NCOA1: variants seen among roughly 807,000 people sequenced by gnomAD.
NCOA1 encodes the protein nuclear receptor coactivator 1.
NCOA1 carries 35 observed loss-of-function variants against 150.9 expected under a neutral mutation model. The observed-to-expected ratio is 0.23, with a 90% confidence interval of 0.18 to 0.31. NCOA1 has a LOEUF of 0.31. Among genes scored for constraint, NCOA1 ranks in the 10% least tolerant of loss-of-function variants. The pLI is 1.00. For synonymous variants in NCOA1, 590 were observed against 630.0 expected, an observed-to-expected ratio of 0.94 and a Z score of 0.95; for missense variants, 1,491 against 1,749.3, an observed-to-expected ratio of 0.85 and a Z score of 2.63.
At chr2:24,543,051 T>C (rs1185551082) in intron 1 of NCOA1, among the ~76,000 whole-genome samples, 3 of 152,216 alleles carry the variant, frequency 2.0e-5, no homozygotes, top group Non-Finnish European at 4.4e-5. Flanking sequence ...TTTGTATTGC[T>C]ATAACAGAAT....
At chr2:24,498,107 G>A (rs534923286) in intron 1 of NCOA1, among the ~76,000 whole-genome samples, 3 of 152,302 alleles carry the variant, frequency 2.0e-5, no homozygotes, top group East Asian at 3.9e-4. Flanking sequence ...GAAAACATCT[G>A]TATGTGTAAT....
rs1162910967 is a variant in NCOA1 at position 24,644,112 on chromosome 2, A to T, written c.-28A>T. ...TTTTGAGGATTCATTATGAACAAAG[A>T]AGTCTCCCAGGTAGGAATTGTAGTT... On this transcript the variant is annotated 5_prime_UTR_variant, in exon 4 of 23. Coordinates refer to ENST00000348332, the MANE Select transcript of NCOA1 (RefSeq NM_003743.5). The T allele has an allele frequency of 6.6e-6, 1 of 152,192 alleles. No homozygotes were observed. Among genetic ancestry groups the T allele is most frequent in the East Asian group, 1.9e-4 (1 of 5,200 alleles). The allele number at this position is 152,192 out of a possible 1,614,324, so 9.4% of individuals were successfully genotyped here. A position where few individuals can be genotyped will look rare whatever the true frequency, so the allele number is the denominator to read the frequency against.
At chr2:24,569,524 C>T (rs190859986) in intron 2 of NCOA1, among the ~76,000 whole-genome samples, 114 of 148,016 alleles carry the variant, frequency 7.7e-4, no homozygotes, top group African/African-American at 2.3e-3. Flanking sequence ...AGAGTTTGAC[C>T]GTATCCTCAA....
chr2:24,664,664 C>T (rs1030062666), intron 5 of NCOA1, among the ~76,000 whole-genome samples: 2 of 151,830 alleles, frequency 1.3e-5, no homozygotes, highest in African/African-American at 4.8e-5. Flanking sequence ...GCCGAGATTG[C>T]GCCACTGCAC....
chr2:24,508,564 T>A (rs892781557), intron 1 of NCOA1, among the ~76,000 whole-genome samples: 1 of 152,092 alleles, frequency 6.6e-6, no homozygotes, highest in Non-Finnish European at 1.5e-5. Context: ...TTCAAAAAAA[T>A]TTTAATGAAT....
chr2:24,512,356 T>C (rs1280049533), intron 1 of NCOA1, among the ~76,000 whole-genome samples: 1 of 152,216 alleles, frequency 6.6e-6, no homozygotes, highest in Non-Finnish European at 1.5e-5. Context: ...TTTTAGCAGT[T>C]TAAATTAAAG....
intron 2 of NCOA1, among the ~76,000 whole-genome samples, chr2:24,575,314 T>C (rs1056386734): frequency 1.3e-5 from 2 of 152,192 alleles, no homozygotes; most frequent in Non-Finnish European, 2.9e-5. Context: ...GAAGCTCCAA[T>C]TGGGCCTAAA....
intron 1 of NCOA1, among the ~76,000 whole-genome samples, chr2:24,504,743 A>G (rs1039070769): frequency 6.6e-6 from 1 of 152,160 alleles, no homozygotes. Flanking sequence ...TGAAACAGAA[A>G]GTGAATATTT....
At chr2:24,696,938 C>T (rs1382147211) in intron 10 of NCOA1, among the ~76,000 whole-genome samples, 3 of 151,684 alleles carry the variant, frequency 2.0e-5, no homozygotes, top group Admixed American at 1.3e-4. Context: ...TTCTGTAAAA[C>T]GTAATAAAAC....
intron 2 of NCOA1, among the ~76,000 whole-genome samples, chr2:24,568,780 A>G (rs998124546): frequency 6.6e-6 from 1 of 152,224 alleles, no homozygotes; most frequent in African/African-American, 2.4e-5. Flanking sequence ...TCAAAGACAT[A>G]CCATCTGGAA....
chr2:24,677,672 G>A (rs933954812), intron 7 of NCOA1, among the ~76,000 whole-genome samples: 1 of 152,098 alleles, frequency 6.6e-6, no homozygotes, highest in Non-Finnish European at 1.5e-5. Flanking sequence ...GATCCACCCC[G>A]GTTGGCCTCC....
chr2:24,655,840 G>C (rs1398179034), intron 4 of NCOA1, among the ~76,000 whole-genome samples: 1 of 152,130 alleles, frequency 6.6e-6, no homozygotes, highest in Non-Finnish European at 1.5e-5. Flanking sequence ...TGTAATCCCA[G>C]CACTTTGGGA....
intron 6 of NCOA1, among the ~76,000 whole-genome samples, chr2:24,669,478 A>G (rs1671589382): frequency 6.6e-6 from 1 of 152,202 alleles, no homozygotes; most frequent in Non-Finnish European, 1.5e-5. Flanking sequence ...TCACATAGCC[A>G]TTCCTACCTT....
At chr2:24,516,703 C>T (rs554633755) in intron 1 of NCOA1, among the ~76,000 whole-genome samples, 4 of 151,174 alleles carry the variant, frequency 2.6e-5, no homozygotes, top group Non-Finnish European at 5.9e-5. Flanking sequence ...CCTTTTCTCT[C>T]CTCTCCCATG....
At chr2:24,719,059 C>T (rs1266623417) in intron 14 of NCOA1, among the ~76,000 whole-genome samples, 1 of 144,704 alleles carries the variant, frequency 6.9e-6, no homozygotes, top group South Asian at 2.2e-4. Context: ...AAAAAAACCC[C>T]AAACCGGAAC....
intron 19 of NCOA1, among the ~76,000 whole-genome samples, chr2:24,748,052 G>A (rs777549591): frequency 1.3e-5 from 2 of 151,672 alleles, no homozygotes; most frequent in Non-Finnish European, 2.9e-5. Context: ...GTTGTGGTGA[G>A]CTGAGATCAC....
chr2:24,491,754 GT>G (rs552354906), intron 1 of NCOA1, among the ~76,000 whole-genome samples, 152 bp downstream of exon 1: 235 of 151,500 alleles, frequency 1.6e-3, no homozygotes, highest in Middle Eastern at 6.8e-3. Context: ...ACTTCCCCGA[GT>G]TCCCCTCGCG....
intron 3 of NCOA1, among the ~76,000 whole-genome samples, chr2:24,621,713 C>T (rs1055782650): frequency 1.1e-4 from 17 of 152,046 alleles, no homozygotes; most frequent in African/African-American, 3.6e-4. Flanking sequence ...CTCCAGACCT[C>T]GGGTGATCCA....
At chr2:24,605,381 T>A (rs1264654800) in intron 3 of NCOA1, among the ~76,000 whole-genome samples, 4 of 152,236 alleles carry the variant, frequency 2.6e-5, no homozygotes, top group Admixed American at 2.6e-4. Context: ...TTCTACTATC[T>A]ACCTCTTAAG....
Sources: allele counts gnomAD v4.1 joint callset (sites outside exome capture counted in the v4.1 genomes callset), GRCh38; gene constraint gnomAD v4.1.1; transcripts MANE v1.5; gene names NCBI Gene and HGNC (gene_info 2026-07-23, HGNC 2026-07-21).